The following DIP2C variants were observed in gnomAD, a reference collection of about 807,000 sequenced individuals.
DIP2C encodes the protein disco-interacting protein 2 homolog C.
DIP2C carries 33 observed loss-of-function variants against 192.4 expected under a neutral mutation model. The ratio of observed to expected loss-of-function variants is 0.17; its 90% confidence interval spans 0.13 to 0.23. DIP2C has a LOEUF of 0.23. Among genes scored for constraint, DIP2C ranks in the 10% least tolerant of loss-of-function variants. The pLI is 1.00. For missense variants in DIP2C, 1,537 were observed against 2,110.1 expected (o/e 0.73, Z 5.32); for synonymous variants, 979 against 864.1 (o/e 1.13, Z -2.33).
intron 1 of DIP2C, among the ~76,000 whole-genome samples, chr10:526,178 T>C (rs912475706): frequency 5.9e-5 from 9 of 152,096 alleles, no homozygotes; most frequent in Non-Finnish European, 1.2e-4. Flanking sequence ...ACACAGCAAA[T>C]GCAGCACACC....
At chr10:662,824 G>A (rs1453192005) in intron 1 of DIP2C, 3 of 717,224 alleles carry the variant, frequency 4.2e-6, no homozygotes, top group South Asian at 3.0e-5. Flanking sequence ...TGCGATGGCT[G>A]TGGTTGAGGA....
intron 32 of DIP2C, among the ~76,000 whole-genome samples, chr10:308,280 G>A (rs535149984): frequency 2.0e-5 from 3 of 149,726 alleles, no homozygotes; most frequent in South Asian, 4.1e-4. Context: ...GGTCAGCGGC[G>A]TGGGTGCCGA....
At chr10:570,664 T>A (rs987816906) in intron 1 of DIP2C, among the ~76,000 whole-genome samples, 1 of 152,178 alleles carries the variant, frequency 6.6e-6, no homozygotes, top group African/African-American at 2.4e-5. Flanking sequence ...CTCACACAAA[T>A]TCTCACGTAT....
Position 387,727 on chromosome 10 carries a change from C to T in DIP2C, c.1662+18G>A, listed in dbSNP as rs147982048. The T allele has an allele frequency of 2.7e-4, 431 of 1,613,470 alleles. 3 individuals are homozygous for T. In the African/African-American group the frequency reaches 4.5e-3, roughly 17 times the overall value. The stretch of plus-strand genomic sequence containing the variant: ...GGACTCCTTTGTGGACAGACACGGC[C>T]GGGGGGACCTCACTTACTGTCAGGA... On this transcript the variant is annotated intron_variant, in intron 14 of 36. Transcript: ENST00000280886.
intron 3 of DIP2C, chr10:441,271 G>A (rs976126995): frequency 2.2e-5 from 8 of 367,976 alleles, no homozygotes; most frequent in Non-Finnish European, 4.0e-5. Flanking sequence ...TAGGGTGAAT[G>A]GACCTTGATC....
At chr10:677,922 G>A (rs775204669) in intron 1 of DIP2C, among the ~76,000 whole-genome samples, 72 of 152,346 alleles carry the variant, frequency 4.7e-4, no homozygotes, top group South Asian at 1.2e-3. Context: ...CACCCGGCGT[G>A]GTCCAGTGCA....
chr10:286,121 T>C (rs568720966), intron 34 of DIP2C, 152 bp downstream of exon 34: 4 of 709,458 alleles, frequency 5.6e-6, no homozygotes, highest in East Asian at 2.5e-5. Context: ...CCATAAAGCT[T>C]ACCTCACGCT....
chr10:606,920 G>C (rs1275070379), intron 1 of DIP2C, among the ~76,000 whole-genome samples: 1 of 151,968 alleles, frequency 6.6e-6, no homozygotes, highest in Non-Finnish European at 1.5e-5. Context: ...GGTCTGAATA[G>C]GGGCCTTCCA....
chr10:422,584 C>A (rs192716999), intron 5 of DIP2C, among the ~76,000 whole-genome samples: 1 of 152,154 alleles, frequency 6.6e-6, no homozygotes, highest in Non-Finnish European at 1.5e-5. Flanking sequence ...AAGATGGGAG[C>A]GGATACGGCT....
intron 1 of DIP2C, among the ~76,000 whole-genome samples, chr10:617,685 T>A (rs1588614591): frequency 8.3e-6 from 1 of 120,888 alleles, no homozygotes; most frequent in Admixed American, 9.4e-5. Flanking sequence ...GCTTGGGGCG[T>A]CTTCCACTTG....
chr10:670,936 A>C (rs929781486), intron 1 of DIP2C, among the ~76,000 whole-genome samples: 20 of 152,156 alleles, frequency 1.3e-4, no homozygotes, highest in African/African-American at 4.8e-4. Context: ...GACCACACAC[A>C]CCTGAAACCA....
chr10:497,134 C>T (rs1433513108), intron 1 of DIP2C, among the ~76,000 whole-genome samples: 1 of 151,630 alleles, frequency 6.6e-6, no homozygotes, highest in African/African-American at 2.4e-5. Context: ...CGAAATCAAT[C>T]AATCAATCAA....
intron 1 of DIP2C, among the ~76,000 whole-genome samples, chr10:528,506 T>C (rs1366418581): frequency 6.6e-6 from 1 of 152,242 alleles, no homozygotes; most frequent in African/African-American, 2.4e-5. Flanking sequence ...TAGTGGTGGA[T>C]ATCCCGGATG....
At chr10:406,019 C>G (rs1964781750) in intron 9 of DIP2C, among the ~76,000 whole-genome samples, 1 of 152,178 alleles carries the variant, frequency 6.6e-6, no homozygotes, top group South Asian at 2.1e-4. Flanking sequence ...AATCCCTGCC[C>G]AAAATAAGCC....
At chr10:335,394 C>A (rs917436850) in intron 29 of DIP2C, among the ~76,000 whole-genome samples, 1 of 152,066 alleles carries the variant, frequency 6.6e-6, no homozygotes, top group Non-Finnish European at 1.5e-5. Context: ...CCATCAAAAT[C>A]AGAAAACCAA....
chr10:459,883 C>T (rs938417378), intron 3 of DIP2C, among the ~76,000 whole-genome samples: 1 of 146,464 alleles, frequency 6.8e-6, no homozygotes, highest in Non-Finnish European at 1.5e-5. Flanking sequence ...CAGGGAACCA[C>T]CTGCTGCACG....
chr10:428,731 T>C (rs555657262), intron 4 of DIP2C, among the ~76,000 whole-genome samples: 2 of 152,234 alleles, frequency 1.3e-5, no homozygotes, highest in South Asian at 4.2e-4. Flanking sequence ...TCCTGCTCTT[T>C]TCTCTTTTCC....
rs369540694 is a variant in DIP2C, at chr10:396,469, C to T, written c.1260+2640G>A. Among the ~76,000 whole-genome samples the T allele has an allele frequency of 9.2e-5, 14 of 152,270 alleles. No homozygotes were observed. The East Asian group carries it at 1.4e-3, about 15-fold the overall frequency. Reference sequence around the variant, plus strand: ...AAAGTGAAGAAAAGAATAATTGTTACGAATAACAATGATAAATGTTTTGTG... The same window carrying T: ...AAAGTGAAGAAAAGAATAATTGTTATGAATAACAATGATAAATGTTTTGTG... On this transcript the variant is annotated intron_variant, in intron 10 of 36. Coordinates refer to ENST00000280886, the MANE Select transcript of DIP2C (RefSeq NM_014974.3).
At chr10:645,558 T>C (rs1280541695) in intron 1 of DIP2C, among the ~76,000 whole-genome samples, 4 of 152,334 alleles carry the variant, frequency 2.6e-5, no homozygotes, top group East Asian at 1.9e-4. Flanking sequence ...TATAAAAACA[T>C]TGATGACTTG....
Sources: gnomAD v4.1 joint callset for allele counts (sites outside exome capture counted in the v4.1 genomes callset) on GRCh38, gnomAD v4.1.1 for gene constraint, MANE v1.5 for transcripts, NCBI Gene and HGNC (gene_info 2026-07-23, HGNC 2026-07-21) for gene names.